Variants in CCDC175 observed in about 807,000 individuals in gnomAD.
CCDC175 encodes the protein coiled-coil domain-containing protein 175.
In CCDC175, 100 loss-of-function variants were observed where a neutral mutation model predicts 114.6. That is an observed-to-expected ratio of 0.87 (90% CI 0.74 to 1.03). The LOEUF (loss-of-function observed/expected upper bound fraction) is 1.03, where lower values mean the gene tolerates loss of function less well. Among genes scored for constraint, CCDC175 ranks in the 50% least tolerant of loss-of-function variants. The probability of loss-of-function intolerance (pLI) is 0.00; values close to 1 mark genes in which losing one functional copy is unlikely to be tolerated. For synonymous variants in CCDC175, 306 were observed against 308.7 expected, an observed-to-expected ratio of 0.99 and a Z score of 0.09; for missense variants, 880 against 917.8, an observed-to-expected ratio of 0.96 and a Z score of 0.53.
chr14:59,523,146 C>G (rs997145128), intron 16 of CCDC175, among the ~76,000 whole-genome samples: 1 of 152,174 alleles, frequency 6.6e-6, no homozygotes. Flanking sequence ...TATTCCAATT[C>G]TTTTAAGAAA....
intron 14 of CCDC175, among the ~76,000 whole-genome samples, chr14:59,529,238 T>C (rs985399942): frequency 6.6e-6 from 1 of 152,188 alleles, no homozygotes; most frequent in African/African-American, 2.4e-5. Flanking sequence ...ACAACACCAC[T>C]GGCTGGCAGC....
chr14:59,507,891 A>G (rs1892517817), intron 19 of CCDC175, among the ~76,000 whole-genome samples: 1 of 152,192 alleles, frequency 6.6e-6, no homozygotes, highest in South Asian at 2.1e-4. Flanking sequence ...TGACCAACTC[A>G]GCATTCCGCT....
intron 10 of CCDC175, 30 bp from the exon 11 acceptor site, chr14:59,540,776 T>A: frequency 6.7e-7 from 1 of 1,498,476 alleles, no homozygotes; most frequent in African/African-American, 1.4e-5. Context: ...GGATTTTGCA[T>A]TTATGGGAGC....
At chr14:59,525,566 C>T (rs1956365) in intron 15 of CCDC175, 132 bp from the exon 16 acceptor site, 243,547 of 590,020 alleles carry the variant, frequency 0.41, 53,142 homozygotes, top group African/African-American at 0.61. Flanking sequence ...GATAGATATT[C>T]TTCCTTAGAA....
intron 3 of CCDC175, among the ~76,000 whole-genome samples, chr14:59,570,908 G>GT (rs1411418982): frequency 6.6e-6 from 1 of 151,804 alleles, no homozygotes; most frequent in African/African-American, 2.4e-5. Context: ...CTGGCTAATT[G>GT]TTTTTTGTAT....
At chr14:59,575,904 T>G (rs1184007556) in intron 1 of CCDC175, among the ~76,000 whole-genome samples, 4 of 152,210 alleles carry the variant, frequency 2.6e-5, no homozygotes, top group African/African-American at 9.7e-5. Flanking sequence ...CTATCCCAAA[T>G]TAATAGTAAC....
At chr14:59,535,155 T>G (rs1894317995) in intron 13 of CCDC175, among the ~76,000 whole-genome samples, 1 of 152,056 alleles carries the variant, frequency 6.6e-6, no homozygotes, top group Non-Finnish European at 1.5e-5. Flanking sequence ...GAGGGGAAAT[T>G]GGGTTATTGC....
In CCDC175 at chr14:59,505,236, G is replaced by T; in HGVS notation, c.*3C>A. ...TTGAATTCACAGCAGTTGTATCCTTGAGTTACTTTGTTAATGTATTTTTCT... is the reference window on the plus strand; with the variant it reads ...TTGAATTCACAGCAGTTGTATCCTTTAGTTACTTTGTTAATGTATTTTTCT... On this transcript the variant is annotated 3_prime_UTR_variant, in exon 20 of 20. Coordinates refer to ENST00000537690, the MANE Select transcript of CCDC175 (RefSeq NM_001164399.2). The T allele has an allele frequency of 6.9e-7, 1 of 1,451,822 alleles. No homozygotes were observed. Among genetic ancestry groups the T allele is most frequent in the Non-Finnish European group, 9.2e-7 (1 of 1,082,034 alleles). The allele number at this position is 1,451,822 out of a possible 1,614,324, so 89.9% of individuals were successfully genotyped here.
intron 7 of CCDC175, among the ~76,000 whole-genome samples, chr14:59,558,948 A>T (rs1896075024): frequency 6.6e-6 from 1 of 152,170 alleles, no homozygotes. Flanking sequence ...TGAAATAAGA[A>T]AACATGATAT....
intron 5 of CCDC175, among the ~76,000 whole-genome samples, chr14:59,564,167 T>C (rs544782508): frequency 3.3e-5 from 5 of 152,296 alleles, no homozygotes; most frequent in South Asian, 4.1e-4. Flanking sequence ...AGTGATTTAA[T>C]AGTAAATCAC....
chr14:59,547,933 C>T lies in CCDC175; in HGVS notation c.1036-2634G>A, dbSNP rs182815146. Among the ~76,000 whole-genome samples the T allele has an allele frequency of 2.0e-4, 31 of 151,958 alleles. No homozygotes were observed. The East Asian group carries it at 5.6e-3, about 27-fold the overall frequency. ...TATTTTATAATAACAAAGCTAAATC[C>T]AACAATGCCACTGCTGGGTATATAT... On this transcript the variant is annotated intron_variant, in intron 8 of 19. Coordinates refer to ENST00000537690, the MANE Select transcript of CCDC175 (RefSeq NM_001164399.2).
chr14:59,552,977 A>T (rs889433158), intron 7 of CCDC175, among the ~76,000 whole-genome samples: 1 of 152,228 alleles, frequency 6.6e-6, no homozygotes, highest in Non-Finnish European at 1.5e-5. Context: ...AAAAGACCAC[A>T]TCTACGTCTG....
At chr14:59,539,103 C>T (rs1210415881) in intron 11 of CCDC175, among the ~76,000 whole-genome samples, 2 of 152,162 alleles carry the variant, frequency 1.3e-5, no homozygotes, top group East Asian at 1.9e-4. Context: ...CAGCTTGCCT[C>T]CTTCAGGTAA....
chr14:59,572,935 C>T (rs1896919280), intron 2 of CCDC175, 122 bp from the exon 3 acceptor site: 1 of 560,946 alleles, frequency 1.8e-6, no homozygotes, highest in African/African-American at 1.9e-5. Context: ...TATCTTCTGC[C>T]ATTATTTTTA....
chr14:59,529,858 C>T (rs74059536), intron 14 of CCDC175, among the ~76,000 whole-genome samples: 1,829 of 152,286 alleles, frequency 0.012, 34 homozygotes, highest in African/African-American at 0.041. Flanking sequence ...TCTCTGCAAG[C>T]GTAACTGCTG....
rs113417874 is a variant in CCDC175, at chr14:59,535,207, T to C, written c.1623+2816A>G. On this transcript the variant is annotated intron_variant, in intron 13 of 19. Coordinates refer to ENST00000537690, the MANE Select transcript of CCDC175 (RefSeq NM_001164399.2). ...ACAGGCTGTCATTGGCCCATCCCTT[T>C]GTGTGAATTAGGCATGGGTGGACAC... Among the ~76,000 whole-genome samples the C allele has an allele frequency of 2.1e-3, 318 of 152,296 alleles. 1 individual carries two copies. Among genetic ancestry groups the C allele is most frequent in the African/African-American group, 6.9e-3 (285 of 41,578 alleles).
At chr14:59,535,365 T>C (rs1894333087) in intron 13 of CCDC175, among the ~76,000 whole-genome samples, 1 of 152,178 alleles carries the variant, frequency 6.6e-6, no homozygotes, top group Non-Finnish European at 1.5e-5. Context: ...TGCTTCTATT[T>C]TATGTATCTT....
At chr14:59,545,359 C>G in intron 8 of CCDC175, 60 bp from the exon 9 acceptor site, 1 of 1,486,162 alleles carries the variant, frequency 6.7e-7, no homozygotes, top group African/African-American at 1.4e-5. Context: ...CTGAGGCCAT[C>G]TGCATCAGGT....
At chr14:59,575,953 G>T (rs935678802) in intron 1 of CCDC175, among the ~76,000 whole-genome samples, 39 of 152,148 alleles carry the variant, frequency 2.6e-4, no homozygotes, top group Non-Finnish European at 3.1e-4. Flanking sequence ...TGAAGAAATG[G>T]GATGATTCTA....
Sources: allele counts gnomAD v4.1 joint callset (sites outside exome capture counted in the v4.1 genomes callset), GRCh38; gene constraint gnomAD v4.1.1; transcripts MANE v1.5; gene names NCBI Gene and HGNC (gene_info 2026-07-23, HGNC 2026-07-21).